The following RRAD variants were observed in gnomAD, a reference collection of about 807,000 sequenced individuals.
The protein encoded by RRAD is GTP-binding protein RAD.
A neutral mutation model predicts 24.7 loss-of-function variants in RRAD; 15 were observed. The observed-to-expected ratio is 0.61, with a 90% CI of 0.41 to 0.93. The LOEUF is 0.93. RRAD is among the 40% of genes least tolerant of loss of function. The pLI is 0.00. For missense variants in RRAD, 438 were observed against 452.2 expected, an observed-to-expected ratio of 0.97 and a Z score of 0.29; for synonymous variants, 180 against 189.8, an observed-to-expected ratio of 0.95 and a Z score of 0.43.
Position 66,922,146 on chromosome 16 carries a change from A to G in RRAD, c.857T>C (p.Val286Ala), listed in dbSNP as rs565518319. The change falls in exon 5 of 5, where the codon GTA becomes GCA. Residue 286 changes from valine (V) to alanine (A), a missense_variant. Coordinates refer to ENST00000299759, the MANE Select transcript of RRAD (RefSeq NM_004165.3). ...KKAKRFLGRI[V>A]ARNSRKMAFR... Reference sequence around the variant, plus strand: ...GGCCATCTTGCGGCTGTTACGAGCTACGATGCGGCCCAAGAAGCGCTTCGC... The same window carrying G: ...GGCCATCTTGCGGCTGTTACGAGCTGCGATGCGGCCCAAGAAGCGCTTCGC... The G allele has an allele frequency of 3.1e-6, 5 of 1,613,936 alleles. No homozygotes were observed. The highest frequency in any genetic ancestry group is 4.2e-6 in the Non-Finnish European group (5 of 1,179,786).
Position 66,923,656 on chromosome 16 carries a change from G to A in RRAD, c.509C>T (p.Ser170Leu). Residue 170 changes from serine (S) to leucine (L), a missense_variant, in exon 4 of 5, where the codon TCA (serine) becomes TTA (leucine). Ser to Leu is a moderately radical substitution (Grantham distance 145, BLOSUM62 -2). Transcript: ENST00000299759. This position sits in a 1 kb window ranked among gnomAD's most constrained non-coding sequence, Gnocchi z 4.9. ...CTCGAAGCTGCCCTTGTCCGTCACT[G>A]AGTACACAATGACATAGGCATCCCC... ...AMGDAYVIVY[S>L]VTDKGSFEKA... 6.2e-7 allele frequency: 1 copy of A among 1,614,148 alleles called. No individual in the cohort carries two copies. The highest frequency in any genetic ancestry group is 8.5e-7 in the Non-Finnish European group (1 of 1,180,036).
rs750405684 is a variant in RRAD, at chr16:66,922,320, T to G, written c.683A>C (p.Lys228Thr). The change falls in exon 5 of 5, where the codon AAG (lysine) becomes ACG (threonine). Residue 228 changes from lysine to threonine, a missense_variant. Coordinates refer to ENST00000299759, the MANE Select transcript of RRAD (RefSeq NM_004165.3). ...GRACAVVFDCKFIETSAALHH... is the reference protein window; with the variant it reads ...GRACAVVFDCTFIETSAALHH... ...CAATGCCGCTGATGTCTCAATGAAC[T>G]TGCAGTCAAAGACCACCGCGCAGGC... 1.2e-6 allele frequency: 2 copies of G among 1,604,372 alleles called. No homozygotes were observed. Among genetic ancestry groups the G allele is most frequent in the Non-Finnish European group, 1.7e-6 (2 of 1,173,440 alleles).
In RRAD at chr16:66,924,497, T is replaced by G. The variant is rs1962963788; in HGVS notation, c.370+313A>C. ...CTGGCCAACATGGTGAAACCCCAAC[T>G]CTACTAAAAACACAAATATTAGCCG... On this transcript the variant is annotated intron_variant, in intron 2 of 4. Coordinates refer to ENST00000299759, the MANE Select transcript of RRAD (RefSeq NM_004165.3). The surrounding 1 kb of genome is among the most constrained non-coding windows in gnomAD (Gnocchi z 4.2). 6.6e-6 allele frequency among the ~76,000 whole-genome samples: 1 copy of G among 151,872 alleles called. No homozygotes were observed. Among genetic ancestry groups the G allele is most frequent in the Non-Finnish European group, 1.5e-5 (1 of 67,972 alleles).
At chr16:66,922,460 G>T in intron 4 of RRAD, 107 bp from the exon 5 acceptor site, 1 of 1,185,598 alleles carries the variant, frequency 8.4e-7, no homozygotes, top group Non-Finnish European at 1.2e-6. Flanking sequence ...AATTTGCAAG[G>T]TCCTCCCCGA....
In RRAD at chr16:66,923,986, T is replaced by C; in HGVS notation, c.371-67A>G. The C allele has an allele frequency of 7.9e-7, 1 of 1,273,272 alleles. No homozygotes were observed. The highest frequency in any genetic ancestry group is 1.2e-6 in the Non-Finnish European group (1 of 869,184). 78.9% of individuals were successfully genotyped at this position (1,273,272 alleles called of 1,614,324 possible). ...AAGCCGCTGCTGCCAGGTTTCCTGTTCTGGCCACACCCTCCAACTCTTCCC... is the reference window on the plus strand; with the variant it reads ...AAGCCGCTGCTGCCAGGTTTCCTGTCCTGGCCACACCCTCCAACTCTTCCC... On this transcript the variant is annotated intron_variant, in intron 2 of 4. Transcript: ENST00000299759. This position sits in a 1 kb window ranked among gnomAD's most constrained non-coding sequence, Gnocchi z 4.9.
rs1420923557 is a variant in RRAD, at chr16:66,922,118, A to T, written c.885T>A (p.Phe295Leu). The change falls in exon 5 of 5, where the codon TTT (phenylalanine) becomes TTA (leucine). Residue 295 changes from phenylalanine to leucine, a missense_variant. Coordinates refer to ENST00000299759, the MANE Select transcript of RRAD (RefSeq NM_004165.3). ...IVARNSRKMA[F>L]RAKSKSCHDL... Reference sequence around the variant, plus strand: ...CGTGGCAGGACTTGGATTTGGCGCGAAAGGCCATCTTGCGGCTGTTACGAG... The same window carrying T: ...CGTGGCAGGACTTGGATTTGGCGCGTAAGGCCATCTTGCGGCTGTTACGAG... The T allele has an allele frequency of 1.2e-6, 2 of 1,611,922 alleles. No homozygotes were observed. Among genetic ancestry groups the T allele is most frequent in the African/African-American group, 2.7e-5 (2 of 74,896 alleles).
In RRAD at chr16:66,925,230, G is replaced by A; in HGVS notation, c.-15-36C>T. On this transcript the variant is annotated intron_variant, in intron 1 of 4. Transcript: ENST00000299759. This position sits in a 1 kb window ranked among gnomAD's most constrained non-coding sequence, Gnocchi z 5.2. Reference sequence around the variant, plus strand: ...AGGAACCCGAGTGGCCGTGTAAGCCGCGAGGGAGGCGGGACCCGGGGCGCA... The same window carrying A: ...AGGAACCCGAGTGGCCGTGTAAGCCACGAGGGAGGCGGGACCCGGGGCGCA... 8.2e-7 allele frequency: 1 copy of A among 1,225,272 alleles called. No homozygotes were observed. The highest frequency in any genetic ancestry group is 1.0e-6 in the Non-Finnish European group (1 of 982,944). The allele number at this position is 1,225,272 out of a possible 1,614,324, so 75.9% of individuals were successfully genotyped here.
At chr16:66,922,416 C>A in intron 4 of RRAD, 63 bp from the exon 5 acceptor site, 1 of 1,483,710 alleles carries the variant, frequency 6.7e-7, no homozygotes. Context: ...GAGTCCCCTC[C>A]AACAGTGGCC....
chr16:66,925,187 G>T lies in RRAD; in HGVS notation c.-8C>A. 8.0e-7 allele frequency: 1 copy of T among 1,246,948 alleles called. No individual in the cohort carries two copies. Among genetic ancestry groups the T allele is most frequent in the East Asian group, 3.1e-5 (1 of 32,638 alleles). The allele number at this position is 1,246,948 out of a possible 1,614,324, so 77.2% of individuals were successfully genotyped here. A position where few individuals can be genotyped will look rare whatever the true frequency, so the allele number is the denominator to read the frequency against. ...GCCGCCGTTCAGGGTCATCGCGTCC[G>T]GGACCGTCTAGGGGATCAGGAACCC... On this transcript the variant is annotated 5_prime_UTR_variant, in exon 2 of 5. Coordinates refer to ENST00000299759, the MANE Select transcript of RRAD (RefSeq NM_004165.3). The surrounding 1 kb of genome is among the most constrained non-coding windows in gnomAD (Gnocchi z 5.2).
In RRAD at chr16:66,925,022, G is replaced by A. The variant is rs1226479392; in HGVS notation, c.158C>T (p.Pro53Leu). The change falls in exon 2 of 5, where the codon CCG (proline) becomes CTG (leucine). Residue 53 changes from proline to leucine, a missense_variant. Transcript: ENST00000299759. This position sits in a 1 kb window ranked among gnomAD's most constrained non-coding sequence, Gnocchi z 5.2. The part of the protein sequence containing the change: ...DERDLQAALT[P>L]GALTAAAAGT... ...GGCCGCGGCCGCCGTCAGGGCACCC[G>A]GGGTCAGCGCCGCCTGCAGGTCGCG... The A allele has an allele frequency of 6.4e-6, 9 of 1,402,196 alleles. No homozygotes were observed. In the East Asian group the frequency reaches 2.1e-4, roughly 33 times the overall value. 86.9% of individuals were successfully genotyped at this position (1,402,196 alleles called of 1,614,324 possible).
At chr16:66,922,439 T>C in intron 4 of RRAD, 86 bp from the exon 5 acceptor site, 1 of 1,391,260 alleles carries the variant, frequency 7.2e-7, no homozygotes, top group Non-Finnish European at 9.7e-7. Context: ...CCATGGAAGC[T>C]GCCACTCGAG....
In RRAD at chr16:66,925,304, C is replaced by T; in HGVS notation, c.-16+105G>A. 1 of 992,538 alleles carries T rather than the reference C, an allele frequency of 1.0e-6. No homozygotes were observed. Among genetic ancestry groups the T allele is most frequent in the Non-Finnish European group, 1.3e-6 (1 of 780,042 alleles). 61.5% of individuals were successfully genotyped at this position (992,538 alleles called of 1,614,324 possible). A position where few individuals can be genotyped will look rare whatever the true frequency, so the allele number is the denominator to read the frequency against. ...GGATGCTCCGGCCGAGGTCCCGCCG[C>T]AGCCCTCCCCCAGCCCCCAGGTCGC... On this transcript the variant is annotated intron_variant, in intron 1 of 4. Coordinates refer to ENST00000299759, the MANE Select transcript of RRAD (RefSeq NM_004165.3). This position sits in a 1 kb window ranked among gnomAD's most constrained non-coding sequence, Gnocchi z 5.2.
chr16:66,923,687 C>A lies in RRAD; in HGVS notation c.478G>T (p.Ala160Ser). The A allele has an allele frequency of 6.2e-7, 1 of 1,614,156 alleles. No individual in the cohort carries two copies. Among genetic ancestry groups the A allele is most frequent in the Non-Finnish European group, 8.5e-7 (1 of 1,180,034 alleles). The change falls in exon 4 of 5, where the codon GCC (alanine) becomes TCC (serine). Residue 160 changes from alanine to serine, a missense_variant. Physicochemically the swap from Ala to Ser is moderately conservative, Grantham distance 99. Coordinates refer to ENST00000299759, the MANE Select transcript of RRAD (RefSeq NM_004165.3). This position sits in a 1 kb window ranked among gnomAD's most constrained non-coding sequence, Gnocchi z 4.9. ...GGRWLPGHCMAMGDAYVIVYS... is the reference protein window; with the variant it reads ...GGRWLPGHCMSMGDAYVIVYS... ...ACAATGACATAGGCATCCCCCATGGCCATGCAGTGGCCGGGCAACCAGCGG... is the reference window on the plus strand; with the variant it reads ...ACAATGACATAGGCATCCCCCATGGACATGCAGTGGCCGGGCAACCAGCGG...
chr16:66,923,933 C>T lies in RRAD; in HGVS notation c.371-14G>A. 2 of 1,612,110 alleles carry T rather than the reference C, an allele frequency of 1.2e-6. No individual in the cohort carries two copies. The highest frequency in any genetic ancestry group is 1.7e-6 in the Non-Finnish European group (2 of 1,178,150). ...CATAGGTGTGCCCTAGGCAGAAGGCCAGTAGACAGGTTACCAGCTGGTTGT... is the reference window on the plus strand; with the variant it reads ...CATAGGTGTGCCCTAGGCAGAAGGCTAGTAGACAGGTTACCAGCTGGTTGT... On this transcript the variant is annotated splice_polypyrimidine_tract_variant and intron_variant, in intron 2 of 4. Coordinates refer to ENST00000299759, the MANE Select transcript of RRAD (RefSeq NM_004165.3). The surrounding 1 kb of genome is among the most constrained non-coding windows in gnomAD (Gnocchi z 4.9).
rs906257969 is a variant in RRAD, at chr16:66,921,924, C to CT, written c.*151dup. On this transcript the variant is annotated 3_prime_UTR_variant, in exon 5 of 5. Coordinates refer to ENST00000299759, the MANE Select transcript of RRAD (RefSeq NM_004165.3). ...GAGCCACTTCGCAGGGCAGCACTGT[C>CT]TATCTGTCCATGACCATGAGGTTGG... is the stretch of plus-strand genomic sequence containing the variant. 11 of 654,574 alleles carry CT rather than the reference C, an allele frequency of 1.7e-5. No individual in the cohort carries two copies. The African/African-American group carries it at 2.0e-4, about 12-fold the overall frequency. The allele number at this position is 654,574 out of a possible 1,614,324, so 40.5% of individuals were successfully genotyped here.
In RRAD at chr16:66,922,032, CA is replaced by C. The variant is rs1324551910; in HGVS notation, c.*43del. 3.2e-6 allele frequency: 5 copies of C among 1,563,048 alleles called. No individual in the cohort carries two copies. The East Asian group carries it at 9.1e-5, about 28-fold the overall frequency. On this transcript the variant is annotated 3_prime_UTR_variant, in exon 5 of 5. Coordinates refer to ENST00000299759, the MANE Select transcript of RRAD (RefSeq NM_004165.3). ...GGGGCAGTTGGCTGGGCCAGCCCAC[CA>C]ACCCTTCCGTTCGTCTCCCACCATA...
Position 66,924,892 on chromosome 16 carries a change from C to T in RRAD, c.288G>A (p.Leu96=). ...TCTTGCCCACGCCGGGCGCCCCCAG[C>T]AGCAGCACCTTGTAAACGCTCTCGT... ...DSDESVYKVL[L]LGAPGVGKSA... Residue 96 remains leucine, a synonymous_variant, in exon 2 of 5, where the codon CTG becomes CTA. Transcript: ENST00000299759. The surrounding 1 kb of genome is among the most constrained non-coding windows in gnomAD (Gnocchi z 4.2). 1.3e-6 allele frequency: 2 copies of T among 1,586,590 alleles called. No individual in the cohort carries two copies. The highest frequency in any genetic ancestry group is 2.3e-5 in the East Asian group (1 of 44,108).
chr16:66,921,772 G>C lies in RRAD; in HGVS notation c.*304C>G, dbSNP rs760425624. On this transcript the variant is annotated 3_prime_UTR_variant, in exon 5 of 5. Coordinates refer to ENST00000299759, the MANE Select transcript of RRAD (RefSeq NM_004165.3). Reference sequence around the variant, plus strand: ...GCCTCCCTCCAGGGCAGGCACACCCGGGCTGTGAAAAAAGGCAGAGTCCTC... The same window carrying C: ...GCCTCCCTCCAGGGCAGGCACACCCCGGCTGTGAAAAAAGGCAGAGTCCTC... The C allele has an allele frequency of 1.7e-5, 6 of 345,308 alleles. No individual in the cohort carries two copies. The highest frequency in any genetic ancestry group is 4.2e-5 in the African/African-American group (2 of 47,876). 21.4% of individuals were successfully genotyped at this position (345,308 alleles called of 1,614,324 possible). A position where few individuals can be genotyped will look rare whatever the true frequency, so the allele number is the denominator to read the frequency against.
In RRAD at chr16:66,922,215, C is replaced by A; in HGVS notation, c.788G>T (p.Arg263Leu). The change falls in exon 5 of 5, where the codon CGA (arginine) becomes CTA (leucine). Residue 263 changes from arginine (R) to leucine (L), a missense_variant. Physicochemically the swap from Arg to Leu is moderately radical, Grantham distance 102. Transcript: ENST00000299759. ...LRRDSKEANA[R>L]RQAGTRRRES... The stretch of plus-strand genomic sequence containing the variant: ...TCGCCTCCGGGTGCCTGCTTGCCGT[C>A]GTGCGTTGGCTTCTTTGCTGTCCCT... 1 of 1,614,234 alleles carries A rather than the reference C, an allele frequency of 6.2e-7. No individual in the cohort carries two copies. The highest frequency in any genetic ancestry group is 8.5e-7 in the Non-Finnish European group (1 of 1,180,032).
Sources: allele counts gnomAD v4.1 joint callset (sites outside exome capture counted in the v4.1 genomes callset), GRCh38; gene constraint gnomAD v4.1.1; non-coding constraint Gnocchi (gnomAD v3.1); transcripts MANE v1.5; gene names NCBI Gene and HGNC (gene_info 2026-07-23, HGNC 2026-07-21).